KLHL1: variants seen among roughly 807,000 people sequenced by gnomAD.
KLHL1 encodes the protein kelch-like protein 1.
Under a neutral mutation model 77.7 loss-of-function variants are expected in KLHL1, and 47 were observed. That is an observed-to-expected ratio of 0.60 (90% CI 0.48 to 0.77). The LOEUF (loss-of-function observed/expected upper bound fraction) is 0.77. Ranked by LOEUF, KLHL1 falls within the 30% of genes least tolerant of loss-of-function variation. The probability of loss-of-function intolerance (pLI) is 0.00; values close to 1 mark genes in which losing one functional copy is unlikely to be tolerated. For missense variants in KLHL1, 925 were observed against 910.8 expected (o/e 1.02, Z -0.20); for synonymous variants, 360 against 325.2 (o/e 1.11, Z -1.15).
chr13:69,742,301 T>G (rs1371911028), intron 7 of KLHL1, among the ~76,000 whole-genome samples: 1 of 152,174 alleles, frequency 6.6e-6, no homozygotes, highest in East Asian at 1.9e-4. Context: ...ACAAGAACTA[T>G]CTCTCTGTTC....
chr13:69,995,603 A>T (rs568342124), intron 1 of KLHL1, among the ~76,000 whole-genome samples: 1 of 152,316 alleles, frequency 6.6e-6, no homozygotes, highest in East Asian at 1.9e-4. Flanking sequence ...TTTCACAAGC[A>T]TTAGATATTG....
At chr13:69,788,471 T>C (rs1566254869) in intron 7 of KLHL1, among the ~76,000 whole-genome samples, 2 of 151,650 alleles carry the variant, frequency 1.3e-5, no homozygotes, top group African/African-American at 4.8e-5. Flanking sequence ...TGAGAACACA[T>C]GGACACAGGA....
At chr13:69,817,096 A>G (rs1471273984) in intron 6 of KLHL1, among the ~76,000 whole-genome samples, 1 of 152,158 alleles carries the variant, frequency 6.6e-6, no homozygotes, top group Non-Finnish European at 1.5e-5. Context: ...ATGCTACTTG[A>G]CATTTTCAAA....
At chr13:69,890,952 A>C (rs974714700) in intron 4 of KLHL1, among the ~76,000 whole-genome samples, 2 of 152,078 alleles carry the variant, frequency 1.3e-5, no homozygotes, top group Non-Finnish European at 2.9e-5. Context: ...ACAACGAAGA[A>C]AAGTATTCAA....
intron 8 of KLHL1, among the ~76,000 whole-genome samples, chr13:69,737,210 T>C (rs1873800289): frequency 6.6e-6 from 1 of 152,178 alleles, no homozygotes; most frequent in African/African-American, 2.4e-5. Flanking sequence ...CATGAGCCCA[T>C]ACCACCAGGG....
chr13:70,021,025 A>G (rs1430960314), intron 1 of KLHL1, among the ~76,000 whole-genome samples: 1 of 152,056 alleles, frequency 6.6e-6, no homozygotes, highest in Non-Finnish European at 1.5e-5. Context: ...AACTATGTTG[A>G]TACCTTATTA....
intron 6 of KLHL1, among the ~76,000 whole-genome samples, chr13:69,837,210 A>T (rs900126219): frequency 1.3e-5 from 2 of 151,808 alleles, no homozygotes; most frequent in Non-Finnish European, 2.9e-5. Flanking sequence ...ATCTAGGTGT[A>T]TATTTAAGGA....
intron 6 of KLHL1, among the ~76,000 whole-genome samples, chr13:69,832,195 ATACTC>A (rs1256496982): frequency 6.7e-6 from 1 of 149,950 alleles, no homozygotes; most frequent in Non-Finnish European, 1.5e-5. Context: ...TATACCTAGA[ATACTC>A]TATAAACTCA....
At chr13:70,035,613 A>G (rs1031865872) in intron 1 of KLHL1, among the ~76,000 whole-genome samples, 1 of 152,126 alleles carries the variant, frequency 6.6e-6, no homozygotes, top group Non-Finnish European at 1.5e-5. Context: ...AAAGACATGG[A>G]TAAAACAACC....
At chr13:69,783,267 C>T (rs1252450324) in intron 7 of KLHL1, among the ~76,000 whole-genome samples, 1 of 152,140 alleles carries the variant, frequency 6.6e-6, no homozygotes, top group African/African-American at 2.4e-5. Context: ...AAGCAGAGCA[C>T]CTCTCCTCCT....
At chr13:69,857,276 C>T (rs746500952) in intron 5 of KLHL1, among the ~76,000 whole-genome samples, 1 of 152,036 alleles carries the variant, frequency 6.6e-6, no homozygotes, top group Admixed American at 6.6e-5. Flanking sequence ...CAAGACACAA[C>T]ATATGTCACC....
chr13:69,952,657 C>T (rs1404873948), intron 3 of KLHL1, among the ~76,000 whole-genome samples: 1 of 151,398 alleles, frequency 6.6e-6, no homozygotes, highest in Non-Finnish European at 1.5e-5. Flanking sequence ...ATGCAGTTTA[C>T]TTCCAGCTAA....
rs72007331 is a variant in KLHL1 at position 69,773,863 on chromosome 13, C to CTATATATATATATA, written c.1639+22861_1639+22874dup. Among the ~76,000 whole-genome samples the CTATATATATATATA allele has an allele frequency of 1.9e-3, 274 of 146,022 alleles. 3 individuals carry two copies. Among genetic ancestry groups the CTATATATATATATA allele is most frequent in the African/African-American group, 6.6e-3 (264 of 39,714 alleles). On this transcript the variant is annotated intron_variant, in intron 7 of 10. Transcript: ENST00000377844. ...TCTGGCACCCAGAGAAAGTCCTTGG[C>CTATATATATATATA]TATATATATATATATATATACATAG...
At chr13:69,891,947 T>A (rs1881437190) in intron 4 of KLHL1, among the ~76,000 whole-genome samples, 1 of 151,976 alleles carries the variant, frequency 6.6e-6, no homozygotes, top group African/African-American at 2.4e-5. Flanking sequence ...ACTACTTCTA[T>A]TTTTTTGATT....
chr13:69,800,973 T>A (rs1435058182), intron 6 of KLHL1, among the ~76,000 whole-genome samples: 1 of 152,222 alleles, frequency 6.6e-6, no homozygotes, highest in African/African-American at 2.4e-5. Context: ...GGTTACTCTG[T>A]TAATGAAGCC....
intron 7 of KLHL1, among the ~76,000 whole-genome samples, chr13:69,789,799 T>A (rs906874592): frequency 6.6e-6 from 1 of 152,162 alleles, no homozygotes; most frequent in Non-Finnish European, 1.5e-5. Flanking sequence ...AGACTTTAAA[T>A]CTGGAGTGAC....
chr13:69,865,901 T>A (rs571433529), intron 5 of KLHL1, among the ~76,000 whole-genome samples: 12 of 152,292 alleles, frequency 7.9e-5, no homozygotes, highest in African/African-American at 2.6e-4. Flanking sequence ...TTTATTTATC[T>A]GCCCAATTTT....
At chr13:69,860,211 G>A (rs920987025) in intron 5 of KLHL1, among the ~76,000 whole-genome samples, 2 of 152,030 alleles carry the variant, frequency 1.3e-5, no homozygotes, top group Admixed American at 6.6e-5. Flanking sequence ...AAGATATGGA[G>A]TGGTAGAATA....
At position 70,025,971 on chromosome 13, in the gene KLHL1, A is replaced by G. The variant is rs141484456; in HGVS notation, c.498-50169T>C. On this transcript the variant is annotated intron_variant, in intron 1 of 10. Transcript: ENST00000377844. The stretch of plus-strand genomic sequence containing the variant: ...GTGAAACATTTTGAAGGTTCAGGAA[A>G]GGCAGCAAAAGCCTTGTCTCCTCAC... 2.1e-3 allele frequency among the ~76,000 whole-genome samples: 320 copies of G among 152,220 alleles called. 1 individual carries two copies. Among genetic ancestry groups the G allele is most frequent in the African/African-American group, 7.2e-3 (299 of 41,556 alleles).
Sources: allele counts gnomAD v4.1 joint callset (sites outside exome capture counted in the v4.1 genomes callset), GRCh38; gene constraint gnomAD v4.1.1; transcripts MANE v1.5; gene names NCBI Gene and HGNC (gene_info 2026-07-23, HGNC 2026-07-21).